CTSH: variants seen among roughly 807,000 people sequenced by gnomAD.
The protein encoded by CTSH is pro-cathepsin H.
CTSH carries 52 observed loss-of-function variants against 56.3 expected under a neutral mutation model. The observed-to-expected ratio is 0.92, with a 90% CI of 0.74 to 1.16. The LOEUF (loss-of-function observed/expected upper bound fraction) is 1.16. CTSH is among the 50% of genes most tolerant of loss of function. The probability of loss-of-function intolerance (pLI) is 0.00; values close to 1 mark genes in which losing one functional copy is unlikely to be tolerated. For missense variants in CTSH, 406 were observed against 424.5 expected (o/e 0.96, Z 0.38); for synonymous variants, 174 against 155.7 (o/e 1.12, Z -0.88).
chr15:78,936,791 G>A (rs1001241761), intron 3 of CTSH, among the ~76,000 whole-genome samples: 12 of 151,986 alleles, frequency 7.9e-5, no homozygotes, highest in African/African-American at 7.3e-5. Flanking sequence ...CACCAAGCCC[G>A]GCTAATTTTG....
Position 78,925,448 on chromosome 15 carries a change from A to G in CTSH, c.700-8T>C. On this transcript the variant is annotated splice_polypyrimidine_tract_variant and splice_region_variant and intron_variant, in intron 9 of 11. Transcript: ENST00000220166. ...CATCGCTTCCTCGTCATACTGTGGAAACAGGACCGAGACAGAAACACATGG... is the reference window on the plus strand; with the variant it reads ...CATCGCTTCCTCGTCATACTGTGGAGACAGGACCGAGACAGAAACACATGG... 6.3e-7 allele frequency: 1 copy of G among 1,592,502 alleles called. No individual in the cohort carries two copies. The highest frequency in any genetic ancestry group is 8.6e-7 in the Non-Finnish European group (1 of 1,160,576).
intron 1 of CTSH, among the ~76,000 whole-genome samples, chr15:78,940,884 G>A (rs1279741871): frequency 1.3e-5 from 2 of 152,178 alleles, no homozygotes; most frequent in East Asian, 1.9e-4. Flanking sequence ...GCTTGAACCT[G>A]AGAGGCGGAG....
At chr15:78,944,675 A>G in intron 1 of CTSH, 1 of 872,110 alleles carries the variant, frequency 1.1e-6, no homozygotes, top group Non-Finnish European at 1.6e-6. Context: ...CACTCAGCCC[A>G]TCTGCTCCTC....
chr15:78,922,027 C>T lies in CTSH; in HGVS notation c.*103G>A. 1.9e-6 allele frequency: 2 copies of T among 1,052,066 alleles called. No homozygotes were observed. Among genetic ancestry groups the T allele is most frequent in the Middle Eastern group, 3.0e-4 (1 of 3,342 alleles). 65.2% of individuals were successfully genotyped at this position (1,052,066 alleles called of 1,614,324 possible). ...AGGTGAGGGCAGAATGTTGGGGGTC[C>T]CAGTGGATCTCCCCACAACTTCCTC... On this transcript the variant is annotated 3_prime_UTR_variant, in exon 12 of 12. Transcript: ENST00000220166.
At chr15:78,926,869 C>T (rs2054915523) in intron 9 of CTSH, 1 of 152,168 alleles carries the variant, frequency 6.6e-6, no homozygotes, top group South Asian at 2.1e-4. Context: ...GGTACAGCAC[C>T]TAGAAGTACT....
chr15:78,943,238 G>C (rs73472309), intron 1 of CTSH, among the ~76,000 whole-genome samples: 2,972 of 151,480 alleles, frequency 0.02, 90 homozygotes, highest in African/African-American at 0.069. Flanking sequence ...TTTCAGGAAA[G>C]TACAGTATTC....
intron 5 of CTSH, among the ~76,000 whole-genome samples, chr15:78,933,259 C>T (rs1199844274): frequency 6.6e-6 from 1 of 152,238 alleles, no homozygotes; most frequent in Non-Finnish European, 1.5e-5. Flanking sequence ...AAGTCACTTC[C>T]CCTCTCGAAG....
At chr15:78,929,267 AG>A (rs2054992075) in intron 8 of CTSH, 144 bp downstream of exon 8, 1 of 683,796 alleles carries the variant, frequency 1.5e-6, no homozygotes, top group Non-Finnish European at 2.6e-6. Flanking sequence ...GAGGAGGGGA[AG>A]GAAGAATTTG....
intron 5 of CTSH, among the ~76,000 whole-genome samples, chr15:78,934,191 G>A (rs1458713292): frequency 6.6e-6 from 1 of 152,220 alleles, no homozygotes; most frequent in Non-Finnish European, 1.5e-5. Context: ...AGCCCGGGAG[G>A]CTTTAAAGCT....
chr15:78,944,666 ACT>A, intron 1 of CTSH: 1 of 762,478 alleles, frequency 1.3e-6, no homozygotes, highest in East Asian at 3.3e-5. Context: ...GACCCTGGAC[ACT>A]CAGCCCATCT....
chr15:78,924,852 C>CTTTTTTTTTTTTTT (rs10689092), intron 10 of CTSH, among the ~76,000 whole-genome samples: 1 of 135,770 alleles, frequency 7.4e-6, no homozygotes. Context: ...ACCACGCTGG[C>CTTTTTTTTTTTTTT]TTTTTTTTTT....
At chr15:78,924,755 T>C (rs1404339329) in intron 10 of CTSH, among the ~76,000 whole-genome samples, 9 of 151,556 alleles carry the variant, frequency 5.9e-5, no homozygotes, top group Admixed American at 5.9e-4. Context: ...AGTGGCACGA[T>C]CTTGGCTTAG....
intron 5 of CTSH, chr15:78,933,592 A>C (rs1370512989): frequency 8.8e-6 from 4 of 452,120 alleles, no homozygotes; most frequent in Middle Eastern, 3.3e-4. Context: ...GAGAGGGTCC[A>C]TGAGACAGTC....
At chr15:78,936,300 G>T (rs112943180) in intron 3 of CTSH, among the ~76,000 whole-genome samples, 1 of 150,068 alleles carries the variant, frequency 6.7e-6, no homozygotes, top group Non-Finnish European at 1.5e-5. Flanking sequence ...TCCTGCCTCA[G>T]CTTCCCTAGT....
Position 78,944,974 on chromosome 15 carries a change from G to T in CTSH, c.8C>A (p.Ala3Asp), listed in dbSNP as rs765453077. 552 of 1,543,244 alleles carry T rather than the reference G, an allele frequency of 3.6e-4. No homozygotes were observed. The highest frequency in any genetic ancestry group is 4.7e-4 in the Non-Finnish European group (540 of 1,144,844). The change falls in exon 1 of 12, where the codon GCC (alanine) becomes GAC (aspartate). Residue 3 changes from alanine (A) to aspartate (D), a missense_variant. Ala to Asp is a moderately radical substitution (Grantham distance 126). Coordinates refer to ENST00000220166, the MANE Select transcript of CTSH (RefSeq NM_004390.5). Reference protein sequence around the residue: MWATLPLLCAGAW... With the variant: MWDTLPLLCAGAW... ...CCCGGCGCAGAGCAGCGGCAGCGTG[G>T]CCCACATCGCAGCGCTGGCGGCTTG... is the stretch of plus-strand genomic sequence containing the variant.
At chr15:78,931,900 C>A in intron 6 of CTSH, 1 of 1,210,846 alleles carries the variant, frequency 8.3e-7, no homozygotes, top group Non-Finnish European at 1.0e-6. Context: ...CATGGCATCA[C>A]CAGGCCGGCT....
At chr15:78,942,387 A>G (rs2055315210) in intron 1 of CTSH, among the ~76,000 whole-genome samples, 1 of 151,792 alleles carries the variant, frequency 6.6e-6, no homozygotes, top group Non-Finnish European at 1.5e-5. Context: ...TAATTTTTAT[A>G]TTTTTAGTAG....
At chr15:78,931,926 T>C in intron 6 of CTSH, 1 of 1,180,582 alleles carries the variant, frequency 8.5e-7, no homozygotes, top group African/African-American at 1.6e-5. Flanking sequence ...CTGTCCCTCC[T>C]TTCTCCACAG....
intron 1 of CTSH, among the ~76,000 whole-genome samples, 153 bp from the exon 2 acceptor site, chr15:78,939,324 G>T (rs1182305324): frequency 2.6e-5 from 4 of 152,214 alleles, no homozygotes; most frequent in African/African-American, 4.8e-5. Flanking sequence ...AATGCAAAAA[G>T]AAACTCCGAC....
Sources: gnomAD v4.1 joint callset for allele counts (sites outside exome capture counted in the v4.1 genomes callset) on GRCh38, gnomAD v4.1.1 for gene constraint, MANE v1.5 for transcripts, NCBI Gene and HGNC (gene_info 2026-07-23, HGNC 2026-07-21) for gene names.